Variants in COLQ observed in about 807,000 individuals in gnomAD.
COLQ encodes the protein collagen like tail subunit of asymmetric acetylcholinesterase, also known as acetylcholinesterase collagenic tail peptide.
COLQ carries 48 observed loss-of-function variants against 69.0 expected under a neutral mutation model. The observed-to-expected ratio is 0.70, with a 90% CI of 0.55 to 0.88. COLQ has a LOEUF of 0.88. Ranked by LOEUF, COLQ falls within the 40% of genes least tolerant of loss-of-function variation. The pLI is 0.00. For missense variants in COLQ, 618 were observed against 594.6 expected, an observed-to-expected ratio of 1.04 and a Z score of -0.41; for synonymous variants, 217 against 211.2, an observed-to-expected ratio of 1.03 and a Z score of -0.24.
At chr3:15,460,287 G>A (rs11923536) in intron 12 of COLQ, among the ~76,000 whole-genome samples, 3,311 of 152,278 alleles carry the variant, frequency 0.022, 100 homozygotes, top group African/African-American at 0.073. Flanking sequence ...ACTAATTGGA[G>A]AGAAAAAGTC....
intron 13 of COLQ, 33 bp downstream of exon 13, chr3:15,458,153 T>A (rs1212907536): frequency 6.2e-7 from 1 of 1,612,248 alleles, no homozygotes; most frequent in Non-Finnish European, 8.5e-7. Context: ...TCCTCACGGA[T>A]AACCACCCCA....
intron 1 of COLQ, among the ~76,000 whole-genome samples, chr3:15,498,310 T>A (rs922148379): frequency 3.3e-5 from 5 of 152,106 alleles, no homozygotes; most frequent in African/African-American, 9.7e-5. Context: ...GCATTGCAAC[T>A]TCAACACTGG....
chr3:15,474,834 G>C, intron 8 of COLQ, 91 bp downstream of exon 8: 1 of 1,448,574 alleles, frequency 6.9e-7, no homozygotes, highest in Non-Finnish European at 9.7e-7. Flanking sequence ...GCAGACTAAA[G>C]AGAGACCTGG....
chr3:15,470,344 A>G (rs1380382944), intron 11 of COLQ, among the ~76,000 whole-genome samples, 192 bp downstream of exon 11: 1 of 152,088 alleles, frequency 6.6e-6, no homozygotes, highest in East Asian at 1.9e-4. Context: ...TATCCCATCC[A>G]CTTCAAACTA....
intron 3 of COLQ, among the ~76,000 whole-genome samples, chr3:15,485,586 C>A (rs373366300): frequency 6.6e-6 from 1 of 152,194 alleles, no homozygotes; most frequent in East Asian, 1.9e-4. Context: ...CTGTGGTTCC[C>A]AAGTCTATCA....
chr3:15,482,160 C>G (rs1048251737), intron 3 of COLQ, among the ~76,000 whole-genome samples: 4 of 152,184 alleles, frequency 2.6e-5, no homozygotes, highest in African/African-American at 9.7e-5. Flanking sequence ...CATCTGCAAA[C>G]AGGGACAACT....
rs1197601455 is a variant in COLQ at position 15,455,767 on chromosome 3, A to C, written c.1195+132T>G. On this transcript the variant is annotated intron_variant, in intron 15 of 16. Transcript: ENST00000383788. ...AGCAGGGACTGGGGTGGGTGGCACA[A>C]GGTGGCCTGGGTATACCCTTCTCTG... 2.5e-6 allele frequency: 3 copies of C among 1,198,424 alleles called. No homozygotes were observed. The East Asian group carries it at 7.6e-5, about 31-fold the overall frequency. 74.2% of individuals were successfully genotyped at this position (1,198,424 alleles called of 1,614,324 possible).
intron 12 of COLQ, among the ~76,000 whole-genome samples, chr3:15,462,298 A>C (rs1575466209): frequency 6.6e-6 from 1 of 152,104 alleles, no homozygotes; most frequent in South Asian, 2.1e-4. Flanking sequence ...CCCAAGTGCT[A>C]GGATTACAGG....
rs750489224 is a variant in COLQ, at chr3:15,456,498, G to C, written c.1036C>G (p.Leu346Val). ...AIAFRRDQRS[L>V]YFKDSLGWLP... ...CAGCCAAGGCTGTCCTTGAAGTACA[G>C]AGATCTCTGGTCTCTGCGGAAGGCA... is the stretch of plus-strand genomic sequence containing the variant. Residue 346 changes from leucine (L) to valine (V), a missense_variant, in exon 14 of 17, where the codon CTG becomes GTG. Transcript: ENST00000383788. 1.9e-6 allele frequency: 3 copies of C among 1,614,090 alleles called. No individual in the cohort carries two copies. Among genetic ancestry groups the C allele is most frequent in the Non-Finnish European group, 2.5e-6 (3 of 1,180,042 alleles).
chr3:15,492,847 C>T (rs75824561), intron 1 of COLQ, among the ~76,000 whole-genome samples: 169 of 152,266 alleles, frequency 1.1e-3, no homozygotes, highest in African/African-American at 3.9e-3. Flanking sequence ...GCTACCCATC[C>T]CAGCCTTTGA....
chr3:15,515,113 T>C (rs928390829), intron 1 of COLQ, among the ~76,000 whole-genome samples: 7 of 152,188 alleles, frequency 4.6e-5, no homozygotes, highest in African/African-American at 1.4e-4. Context: ...CATTCATCTC[T>C]TAGGACTGGA....
intron 3 of COLQ, among the ~76,000 whole-genome samples, chr3:15,484,385 G>C (rs2062540185): frequency 2.0e-5 from 3 of 152,106 alleles, no homozygotes; most frequent in African/African-American, 7.2e-5. Context: ...CTTCCTTCAG[G>C]AACTCTTGAA....
intron 11 of COLQ, among the ~76,000 whole-genome samples, chr3:15,468,714 GAGA>G (rs1440871020): frequency 1.3e-5 from 2 of 152,302 alleles, no homozygotes; most frequent in African/African-American, 4.8e-5. Context: ...AGGTAGCTGA[GAGA>G]AGAAGTCATG....
chr3:15,455,126 T>A (rs982693394), intron 15 of COLQ, among the ~76,000 whole-genome samples: 1 of 152,182 alleles, frequency 6.6e-6, no homozygotes, highest in Non-Finnish European at 1.5e-5. Context: ...TCTCTGCACA[T>A]GTTAGCTCAC....
At chr3:15,474,782 C>T in intron 8 of COLQ, 143 bp downstream of exon 8, 2 of 1,021,658 alleles carry the variant, frequency 2.0e-6, no homozygotes, top group Admixed American at 1.8e-5. Context: ...TCTCAGTCCA[C>T]TGACAAAGGG....
intron 3 of COLQ, among the ~76,000 whole-genome samples, chr3:15,481,835 C>G (rs995353060): frequency 2.0e-5 from 3 of 152,262 alleles, no homozygotes; most frequent in Admixed American, 6.5e-5. Context: ...ATTGATTCTT[C>G]CTATCCATGA....
In COLQ at chr3:15,458,416, A is replaced by C. The variant is rs1017409793; in HGVS notation, c.815-91T>G. 4 of 1,447,020 alleles carry C rather than the reference A, an allele frequency of 2.8e-6. No individual in the cohort carries two copies. The Admixed American group carries it at 6.7e-5, about 24-fold the overall frequency. 89.6% of individuals were successfully genotyped at this position (1,447,020 alleles called of 1,614,324 possible). On this transcript the variant is annotated intron_variant, in intron 12 of 16. Transcript: ENST00000383788. ...GTGAGCGACCTTTGCAACAGAAAAAAGGTTAAAGTCCACAGCATTTCAGGG... is the reference window on the plus strand; with the variant it reads ...GTGAGCGACCTTTGCAACAGAAAAACGGTTAAAGTCCACAGCATTTCAGGG...
intron 1 of COLQ, among the ~76,000 whole-genome samples, chr3:15,511,465 G>C (rs1272851099): frequency 6.6e-6 from 1 of 152,174 alleles, no homozygotes; most frequent in Non-Finnish European, 1.5e-5. Flanking sequence ...AAGCATTTCT[G>C]GGGCCCAGAT....
At chr3:15,518,026 AC>A (rs1273972582) in intron 1 of COLQ, among the ~76,000 whole-genome samples, 2 of 152,168 alleles carry the variant, frequency 1.3e-5, no homozygotes, top group East Asian at 1.9e-4. Context: ...GCTCACTGCT[AC>A]CTCCGCCTCC....
Sources: allele counts gnomAD v4.1 joint callset (sites outside exome capture counted in the v4.1 genomes callset), GRCh38; gene constraint gnomAD v4.1.1; transcripts MANE v1.5; gene names NCBI Gene and HGNC (gene_info 2026-07-23, HGNC 2026-07-21).